Variants in KMT2C observed in about 807,000 individuals in gnomAD.
The protein encoded by KMT2C is histone-lysine N-methyltransferase 2C.
KMT2C carries 88 observed loss-of-function variants against 507.9 expected under a neutral mutation model. The ratio of observed to expected loss-of-function variants is 0.17; its 90% CI spans 0.15 to 0.21. KMT2C has a LOEUF of 0.21. Ranked by LOEUF, KMT2C falls within the 10% of genes least tolerant of loss-of-function variation. KMT2C has a pLI of 1.00. For synonymous variants in KMT2C, 2,049 were observed against 2,080.8 expected (o/e 0.98, Z 0.42); for missense variants, 4,954 against 5,957.8 (o/e 0.83, Z 5.55).
intron 44 of KMT2C, 40 bp downstream of exon 44, chr7:152,158,823 T>G: frequency 6.3e-7 from 1 of 1,594,280 alleles, no homozygotes; most frequent in Non-Finnish European, 8.6e-7. Flanking sequence ...CCTATATCCT[T>G]GACTTTTAAA....
intron 9 of KMT2C, among the ~76,000 whole-genome samples, chr7:152,259,477 C>A (rs2095727722): frequency 6.7e-6 from 1 of 149,274 alleles, no homozygotes; most frequent in African/African-American, 2.5e-5. Context: ...CACACACACA[C>A]ACACACACAC....
chr7:152,275,470 T>A (rs1166402399), intron 6 of KMT2C, among the ~76,000 whole-genome samples: 2 of 152,134 alleles, frequency 1.3e-5, no homozygotes, highest in African/African-American at 4.8e-5. Flanking sequence ...TCTAAATAAC[T>A]CATAAACAGT....
At position 152,358,541 on chromosome 7, in the gene KMT2C, T is replaced by G. The variant is rs751777482; in HGVS notation, c.250+46A>C. 2.5e-6 allele frequency: 3 copies of G among 1,195,046 alleles called. No individual in the cohort carries two copies. In the Admixed American group the frequency reaches 5.2e-5, roughly 21 times the overall value. 74.0% of individuals were successfully genotyped at this position (1,195,046 alleles called of 1,614,324 possible). ...ATGCTACATGCAGTGTACAAACATA[T>G]GCAAAGCATCATTATACATTCTTAT... is the stretch of plus-strand genomic sequence containing the variant. On this transcript the variant is annotated intron_variant, in intron 2 of 58. Coordinates refer to ENST00000262189, the MANE Select transcript of KMT2C (RefSeq NM_170606.3).
intron 3 of KMT2C, among the ~76,000 whole-genome samples, chr7:152,319,340 A>G (rs954876443): frequency 1.3e-5 from 2 of 152,170 alleles, no homozygotes; most frequent in Non-Finnish European, 2.9e-5. Context: ...CTCTACAATC[A>G]TAACCTAGGA....
intron 1 of KMT2C, among the ~76,000 whole-genome samples, chr7:152,418,104 C>T (rs919066733): frequency 1.3e-5 from 2 of 151,812 alleles, no homozygotes; most frequent in Admixed American, 6.6e-5. Context: ...CCACGCCCAG[C>T]TAATTTTTGT....
intron 1 of KMT2C, among the ~76,000 whole-genome samples, chr7:152,435,240 C>T (rs899167898): frequency 1.3e-4 from 20 of 152,010 alleles, no homozygotes; most frequent in African/African-American, 4.1e-4. Flanking sequence ...GGCGGTTCGC[C>T]CGGAGTCCGT....
chr7:152,285,962 G>T (rs2096289675), intron 6 of KMT2C, among the ~76,000 whole-genome samples: 1 of 152,216 alleles, frequency 6.6e-6, no homozygotes, highest in Admixed American at 6.5e-5. Flanking sequence ...TCCAGCCTGG[G>T]AGACAAAGAC....
intron 31 of KMT2C, among the ~76,000 whole-genome samples, chr7:152,192,552 A>C (rs1022635903): frequency 3.5e-5 from 5 of 144,414 alleles, no homozygotes; most frequent in African/African-American, 1.1e-4. Context: ...GAAAAAAAAG[A>C]AAAAAAAAAA....
chr7:152,173,094 T>C (rs2093038124), intron 39 of KMT2C, among the ~76,000 whole-genome samples: 1 of 152,160 alleles, frequency 6.6e-6, no homozygotes, highest in Admixed American at 6.6e-5. Flanking sequence ...ATAGTGTTAA[T>C]AAATATTGCT....
At chr7:152,244,670 A>G (rs1449905993) in intron 14 of KMT2C, among the ~76,000 whole-genome samples, 1 of 152,208 alleles carries the variant, frequency 6.6e-6, no homozygotes, top group Non-Finnish European at 1.5e-5. Flanking sequence ...TACTTCTCCT[A>G]CCTTATCATG....
chr7:152,352,336 T>C (rs985986669), intron 2 of KMT2C, among the ~76,000 whole-genome samples: 4 of 152,186 alleles, frequency 2.6e-5, no homozygotes, highest in African/African-American at 9.7e-5. Context: ...GAAACTTCAT[T>C]ACCAATTTTA....
At chr7:152,156,573 T>G (rs2092063752) in intron 44 of KMT2C, among the ~76,000 whole-genome samples, 1 of 152,224 alleles carries the variant, frequency 6.6e-6, no homozygotes, top group South Asian at 2.1e-4. Context: ...TTTACCCAGC[T>G]TGACTACTTA....
intron 18 of KMT2C, among the ~76,000 whole-genome samples, chr7:152,228,546 A>AT (rs1269449447): frequency 6.6e-6 from 1 of 152,208 alleles, no homozygotes; most frequent in Non-Finnish European, 1.5e-5. Context: ...AGGAATTCAA[A>AT]TTCTAGCTCT....
chr7:152,298,895 T>C (rs1415476456), intron 6 of KMT2C, among the ~76,000 whole-genome samples: 1 of 152,242 alleles, frequency 6.6e-6, no homozygotes, highest in Non-Finnish European at 1.5e-5. Flanking sequence ...GGAATGCTTT[T>C]ATTATAGATG....
At position 152,250,913 on chromosome 7, in the gene KMT2C, C is replaced by G; in HGVS notation, c.1675G>C (p.Glu559Gln). 3 of 1,611,764 alleles carry G rather than the reference C, an allele frequency of 1.9e-6. No individual in the cohort carries two copies. The highest frequency in any genetic ancestry group is 1.7e-6 in the Non-Finnish European group (2 of 1,177,948). ...TTGACATCTTTATTAGCTGCCTGCT[C>G]TGAGAATACCATTTGATCTTCAGGG... The part of the protein sequence containing the change: ...EGPEDQMVFS[E>Q]QAANKDVNGQ... Residue 559 changes from glutamate to glutamine, a missense_variant, in exon 12 of 59, where the codon GAG becomes CAG. Around this residue, in one of 29 missense-constraint regions of KMT2C, gnomAD observed 376 missense variants for 352.4 expected, o/e 1.07. Coordinates refer to ENST00000262189, the MANE Select transcript of KMT2C (RefSeq NM_170606.3).
intron 1 of KMT2C, among the ~76,000 whole-genome samples, chr7:152,383,903 G>A (rs1405333289): frequency 2.0e-5 from 3 of 152,018 alleles, no homozygotes; most frequent in Non-Finnish European, 4.4e-5. Flanking sequence ...GAGTTGTGCT[G>A]CTAGGACAGG....
chr7:152,183,882 GC>G (rs1353966344), intron 34 of KMT2C, among the ~76,000 whole-genome samples: 2 of 151,110 alleles, frequency 1.3e-5, no homozygotes, highest in Non-Finnish European at 2.9e-5. Flanking sequence ...GGCAACAAGA[GC>G]AAAACTCTGT....
At chr7:152,270,818 T>C (rs1158289104) in intron 7 of KMT2C, among the ~76,000 whole-genome samples, 1 of 152,214 alleles carries the variant, frequency 6.6e-6, no homozygotes, top group Non-Finnish European at 1.5e-5. Flanking sequence ...GCCATTTACC[T>C]ATGACAGAGC....
chr7:152,170,997 T>A (rs1367783722), intron 40 of KMT2C, among the ~76,000 whole-genome samples: 1 of 152,238 alleles, frequency 6.6e-6, no homozygotes, highest in Non-Finnish European at 1.5e-5. Flanking sequence ...ACAGCCAATT[T>A]TTTTAACCTT....
Sources: allele counts gnomAD v4.1 joint callset (sites outside exome capture counted in the v4.1 genomes callset), GRCh38; gene constraint gnomAD v4.1.1; regional missense constraint gnomAD v4.1.1; transcripts MANE v1.5; gene names NCBI Gene and HGNC (gene_info 2026-07-23, HGNC 2026-07-21).